Variants in NR2F1-AS1 observed in about 807,000 individuals in gnomAD.
NR2F1-AS1 encodes NR2F1 antisense RNA 1.
At chr5:93,450,266 C>T (rs1749798585) in intron 4 of NR2F1-AS1, among the ~76,000 whole-genome samples, 1 of 152,160 alleles carries the variant, frequency 6.6e-6, no homozygotes, top group African/African-American at 2.4e-5. Flanking sequence ...AATTCAAAAG[C>T]AATTTATTTC....
intron 4 of NR2F1-AS1, among the ~76,000 whole-genome samples, chr5:93,540,170 G>A (rs193089124): frequency 1.4e-3 from 216 of 152,226 alleles, no homozygotes; most frequent in Middle Eastern, 6.8e-3. Context: ...AGTTGTCACT[G>A]GTTTTATAAA....
At chr5:93,514,575 T>A (rs1205233212) in intron 4 of NR2F1-AS1, among the ~76,000 whole-genome samples, 55 of 152,076 alleles carry the variant, frequency 3.6e-4, no homozygotes, top group Non-Finnish European at 8.8e-5. Context: ...ATAAATTACT[T>A]GCCATTCAGC....
chr5:93,482,421 G>A (rs1750619770), intron 4 of NR2F1-AS1, among the ~76,000 whole-genome samples: 2 of 152,086 alleles, frequency 1.3e-5, no homozygotes, highest in Admixed American at 6.5e-5. Flanking sequence ...CTCCAACTCA[G>A]ACACTATGCT....
At chr5:93,451,426 A>G (rs1749827914) in intron 4 of NR2F1-AS1, among the ~76,000 whole-genome samples, 1 of 151,982 alleles carries the variant, frequency 6.6e-6, no homozygotes, top group African/African-American at 2.4e-5. Context: ...TTCTTGAGAC[A>G]GGGTCTTCCT....
chr5:93,522,343 C>A (rs1248374723), intron 4 of NR2F1-AS1, among the ~76,000 whole-genome samples: 1 of 152,112 alleles, frequency 6.6e-6, no homozygotes, highest in Non-Finnish European at 1.5e-5. Flanking sequence ...TCACAAGTAT[C>A]CCCGAACCTA....
chr5:93,551,987 A>G (rs976667086), intron 4 of NR2F1-AS1, among the ~76,000 whole-genome samples: 2 of 152,194 alleles, frequency 1.3e-5, no homozygotes, highest in Admixed American at 6.5e-5. Flanking sequence ...CGTTATCACC[A>G]TTATCAGACC....
intron 4 of NR2F1-AS1, among the ~76,000 whole-genome samples, chr5:93,552,396 C>G (rs905906795): frequency 6.6e-6 from 1 of 152,052 alleles, no homozygotes; most frequent in Non-Finnish European, 1.5e-5. Context: ...AGGATAAATA[C>G]AAGCTAGTCA....
At chr5:93,437,578 C>T (rs1163346889) in intron 4 of NR2F1-AS1, among the ~76,000 whole-genome samples, 1 of 152,130 alleles carries the variant, frequency 6.6e-6, no homozygotes, top group Admixed American at 6.6e-5. Flanking sequence ...ATACTGCCAC[C>T]ACACAACTCT....
chr5:93,512,137 C>T (rs1269446227), intron 4 of NR2F1-AS1, among the ~76,000 whole-genome samples: 1 of 152,158 alleles, frequency 6.6e-6, no homozygotes, highest in Non-Finnish European at 1.5e-5. Context: ...ATGACAGCTC[C>T]ATGCATGTTA....
chr5:93,484,981 A>G (rs1371494129), intron 4 of NR2F1-AS1, among the ~76,000 whole-genome samples: 1 of 152,162 alleles, frequency 6.6e-6, no homozygotes, highest in Non-Finnish European at 1.5e-5. Flanking sequence ...TTAGATACCT[A>G]CAAAGAGACT....
At chr5:93,541,498 T>C (rs1019262379) in intron 4 of NR2F1-AS1, among the ~76,000 whole-genome samples, 4 of 152,204 alleles carry the variant, frequency 2.6e-5, no homozygotes, top group Admixed American at 2.0e-4. Context: ...CTTCTTCCTA[T>C]ATGACTGCTC....
intron 1 of NR2F1-AS1, among the ~76,000 whole-genome samples, chr5:93,568,919 G>A (rs1008600854): frequency 1.3e-5 from 2 of 152,134 alleles, no homozygotes; most frequent in African/African-American, 2.4e-5. Flanking sequence ...ACAGTGACAA[G>A]AGCAAAACCC....
intron 4 of NR2F1-AS1, among the ~76,000 whole-genome samples, chr5:93,439,630 G>T (rs1580224364): frequency 6.6e-6 from 1 of 152,190 alleles, no homozygotes; most frequent in African/African-American, 2.4e-5. Flanking sequence ...GTTAAAAAAT[G>T]CTCAAATCAG....
chr5:93,438,162 G>T (rs780734916), intron 4 of NR2F1-AS1, among the ~76,000 whole-genome samples: 5 of 152,182 alleles, frequency 3.3e-5, no homozygotes, highest in Non-Finnish European at 5.9e-5. Context: ...TGTATCATGG[G>T]ATTTGGGGAA....
At chr5:93,445,473 T>C (rs1749677623) in intron 4 of NR2F1-AS1, among the ~76,000 whole-genome samples, 1 of 151,938 alleles carries the variant, frequency 6.6e-6, no homozygotes, top group Non-Finnish European at 1.5e-5. Flanking sequence ...CCTGGACACA[T>C]ACACCCTCCC....
At chr5:93,545,752 C>A (rs1469948189) in intron 4 of NR2F1-AS1, among the ~76,000 whole-genome samples, 8 of 152,198 alleles carry the variant, frequency 5.3e-5, no homozygotes, top group Non-Finnish European at 2.9e-5. Context: ...TTGTTAATTT[C>A]ATTAATTTTG....
At chr5:93,467,923 TTG>T (rs1182936705) in intron 4 of NR2F1-AS1, among the ~76,000 whole-genome samples, 1 of 152,210 alleles carries the variant, frequency 6.6e-6, no homozygotes, top group Non-Finnish European at 1.5e-5. Flanking sequence ...TTTTCTGTCC[TTG>T]TGATAGTTTG....
chr5:93,436,805 G>A (rs1440819402), intron 4 of NR2F1-AS1, among the ~76,000 whole-genome samples: 1 of 151,928 alleles, frequency 6.6e-6, no homozygotes, highest in Non-Finnish European at 1.5e-5. Flanking sequence ...ATTCCCAAGG[G>A]TAAAGGATGA....
At chr5:93,445,737 G>C (rs1464261599) in intron 4 of NR2F1-AS1, among the ~76,000 whole-genome samples, 2 of 152,078 alleles carry the variant, frequency 1.3e-5, no homozygotes, top group African/African-American at 4.8e-5. Flanking sequence ...GCCTGGCAGA[G>C]ACACAACAAA....
Sources: allele counts gnomAD v4.1 joint callset (sites outside exome capture counted in the v4.1 genomes callset), GRCh38; gene constraint gnomAD v4.1.1; transcripts MANE v1.5; gene names NCBI Gene and HGNC (gene_info 2026-07-23, HGNC 2026-07-21).